Variants in LCLAT1 observed in about 807,000 individuals in gnomAD.
LCLAT1 encodes 1-AGP acyltransferase 8.
In LCLAT1, 11 loss-of-function variants were observed where a neutral mutation model predicts 30.7. The observed-to-expected ratio is 0.36, with a 90% CI of 0.23 to 0.59. LCLAT1 has a LOEUF of 0.59. Ranked by LOEUF, LCLAT1 falls within the 20% of genes least tolerant of loss-of-function variation. The pLI, the probability that LCLAT1 is intolerant of heterozygous loss-of-function variation, is 0.77. For missense variants in LCLAT1, 402 were observed against 458.6 expected (o/e 0.88, Z 1.13); for synonymous variants, 155 against 151.3 (o/e 1.02, Z -0.18).
intron 1 of LCLAT1, among the ~76,000 whole-genome samples, chr2:30,479,831 G>T (rs944483983): frequency 4.6e-5 from 7 of 152,128 alleles, no homozygotes; most frequent in African/African-American, 1.7e-4. Context: ...AAAAGTAAAA[G>T]AAACAAAAGA....
chr2:30,547,508 G>C (rs555533683), intron 3 of LCLAT1, among the ~76,000 whole-genome samples: 7 of 152,226 alleles, frequency 4.6e-5, no homozygotes, highest in African/African-American at 1.7e-4. Flanking sequence ...AGCAGGGATG[G>C]TTGTTTGAGC....
chr2:30,606,028 G>A (rs1207411753), intron 5 of LCLAT1: 6 of 1,299,136 alleles, frequency 4.6e-6, no homozygotes, highest in East Asian at 5.7e-5. Context: ...AGGAGGCAGA[G>A]CGAGGGAAGT....
At chr2:30,608,252 C>A (rs573801365) in intron 5 of LCLAT1, among the ~76,000 whole-genome samples, 3 of 149,146 alleles carry the variant, frequency 2.0e-5, no homozygotes, top group Non-Finnish European at 4.4e-5. Context: ...ACCTGGGAGG[C>A]GGATGTTGCT....
At chr2:30,601,142 T>C (rs1667162118) in intron 5 of LCLAT1, among the ~76,000 whole-genome samples, 1 of 152,172 alleles carries the variant, frequency 6.6e-6, no homozygotes, top group Admixed American at 6.6e-5. Flanking sequence ...ATCAGATCAT[T>C]TATGTTCATC....
At chr2:30,596,295 C>T (rs1355610814) in intron 5 of LCLAT1, among the ~76,000 whole-genome samples, 1 of 152,126 alleles carries the variant, frequency 6.6e-6, no homozygotes, top group East Asian at 1.9e-4. Context: ...ACAGCCTTGC[C>T]AGCATCTGTT....
intron 4 of LCLAT1, among the ~76,000 whole-genome samples, chr2:30,566,760 C>T (rs1665502653): frequency 6.6e-6 from 1 of 152,158 alleles, no homozygotes; most frequent in Admixed American, 6.5e-5. Context: ...TTTCTGAACA[C>T]TTTACTTTTT....
chr2:30,549,331 C>T (rs1226883946), intron 3 of LCLAT1, among the ~76,000 whole-genome samples: 2 of 152,118 alleles, frequency 1.3e-5, no homozygotes, highest in African/African-American at 2.4e-5. Flanking sequence ...GCTAGATATC[C>T]CAGATGTGAG....
chr2:30,524,866 C>T (rs1485741420), intron 1 of LCLAT1, among the ~76,000 whole-genome samples: 2 of 152,104 alleles, frequency 1.3e-5, no homozygotes, highest in South Asian at 2.1e-4. Flanking sequence ...GTGATTCAGG[C>T]ATCTACTGGG....
Position 30,525,660 on chromosome 2 carries a change from A to G in LCLAT1, c.70A>G (p.Met24Val), listed in dbSNP as rs956724368. 3 of 1,614,100 alleles carry G rather than the reference A, an allele frequency of 1.9e-6. No homozygotes were observed. Among genetic ancestry groups the G allele is most frequent in the East Asian group, 2.2e-5 (1 of 44,876 alleles). The part of the protein sequence containing the change: ...FWGSFFGSIF[M>V]LSPFLPLMFV... ...GGGAAGCTTTTTTGGAAGCATTTTC[A>G]TGCTGAGTCCCTTTTTACCTTTGAT... is the stretch of plus-strand genomic sequence containing the variant. Residue 24 changes from methionine (M) to valine (V), a missense_variant, in exon 2 of 6, where the codon ATG becomes GTG. Transcript: ENST00000379509.
chr2:30,499,150 G>A (rs1031500576), intron 1 of LCLAT1, among the ~76,000 whole-genome samples: 1 of 152,118 alleles, frequency 6.6e-6, no homozygotes, highest in African/African-American at 2.4e-5. Flanking sequence ...GAGTGGGGTT[G>A]GGCTCTGAAA....
intron 3 of LCLAT1, among the ~76,000 whole-genome samples, chr2:30,558,754 T>C (rs4952149): frequency 0.13 from 19,354 of 152,212 alleles, 1,372 homozygotes; most frequent in South Asian, 0.23. Context: ...TCATACATTT[T>C]CAGTGGGAGT....
chr2:30,595,791 C>G (rs893969961), intron 5 of LCLAT1, among the ~76,000 whole-genome samples: 1 of 152,154 alleles, frequency 6.6e-6, no homozygotes, highest in Non-Finnish European at 1.5e-5. Context: ...TGCTTTCCCC[C>G]ACTCCCACCC....
intron 1 of LCLAT1, among the ~76,000 whole-genome samples, chr2:30,511,006 G>A (rs1684914528): frequency 6.6e-6 from 1 of 151,940 alleles, no homozygotes; most frequent in Non-Finnish European, 1.5e-5. Context: ...CTTTTCCCCT[G>A]AATAGTTTAT....
intron 5 of LCLAT1, among the ~76,000 whole-genome samples, chr2:30,591,680 C>T (rs1207383563): frequency 6.6e-6 from 1 of 152,108 alleles, no homozygotes; most frequent in Non-Finnish European, 1.5e-5. Context: ...GTTAATAAAA[C>T]ATAGACATGT....
rs188369838 is a variant in LCLAT1 at position 30,477,539 on chromosome 2, G to T, written c.-5+30156G>T. 1.6e-3 allele frequency among the ~76,000 whole-genome samples: 242 copies of T among 152,208 alleles called. 3 individuals carry two copies. In the East Asian group the frequency reaches 0.023, roughly 14 times the overall value. The stretch of plus-strand genomic sequence containing the variant: ...AGTATCTGTATATAGCCTCTAACTG[G>T]TATACAACTAAGTCACAGATTGTGA... On this transcript the variant is annotated intron_variant, in intron 1 of 5. Transcript: ENST00000379509.
intron 5 of LCLAT1, among the ~76,000 whole-genome samples, chr2:30,622,006 G>A (rs142975451): frequency 6.6e-6 from 1 of 152,296 alleles, no homozygotes; most frequent in East Asian, 1.9e-4. Flanking sequence ...TTCTCAGTGA[G>A]GGGGGTTGTA....
chr2:30,619,856 T>C (rs1668160147), intron 5 of LCLAT1, among the ~76,000 whole-genome samples: 2 of 152,170 alleles, frequency 1.3e-5, no homozygotes, highest in South Asian at 4.1e-4. Context: ...TCTAGCAAGA[T>C]TTATCTCCCA....
chr2:30,456,777 CTG>C (rs1161777099), intron 1 of LCLAT1, among the ~76,000 whole-genome samples: 2 of 152,194 alleles, frequency 1.3e-5, no homozygotes, highest in Admixed American at 6.5e-5. Flanking sequence ...TTTGCCTTAT[CTG>C]TATCTTCAGA....
intron 5 of LCLAT1, among the ~76,000 whole-genome samples, chr2:30,595,102 C>T (rs1666869582): frequency 1.3e-5 from 2 of 151,984 alleles, no homozygotes; most frequent in South Asian, 2.1e-4. Context: ...ATCCTTTATT[C>T]GTTGAAACTT....
Sources: gnomAD v4.1 joint callset for allele counts (sites outside exome capture counted in the v4.1 genomes callset) on GRCh38, gnomAD v4.1.1 for gene constraint, MANE v1.5 for transcripts, NCBI Gene and HGNC (gene_info 2026-07-23, HGNC 2026-07-21) for gene names.